The following FES variants were observed in gnomAD, a reference collection of about 807,000 sequenced individuals.
The protein encoded by FES is FES proto-oncogene, tyrosine kinase.
A neutral mutation model predicts 109.6 loss-of-function variants in FES; 83 were observed. The observed-to-expected ratio is 0.76, with a 90% CI of 0.63 to 0.91. The LOEUF is 0.91. Among genes scored for constraint, FES ranks in the 40% least tolerant of loss-of-function variants. The pLI is 0.00. For synonymous variants in FES, 458 were observed against 442.1 expected, an observed-to-expected ratio of 1.04 and a Z score of -0.45; for missense variants, 943 against 1,070.9, an observed-to-expected ratio of 0.88 and a Z score of 1.67.
intron 10 of FES, 112 bp from the exon 11 acceptor site, chr15:90,890,870 C>T (rs2033147188): frequency 1.8e-6 from 2 of 1,104,988 alleles, no homozygotes; most frequent in Admixed American, 2.1e-5. Flanking sequence ...CATGCCACTC[C>T]ATGGTTGTAA....
chr15:90,885,721 G>T, intron 3 of FES, 136 bp downstream of exon 3: 1 of 1,402,158 alleles, frequency 7.1e-7, no homozygotes, highest in Non-Finnish European at 9.4e-7. Flanking sequence ...CTCTAACCTT[G>T]ATGCAGCTTC....
At position 90,885,591 on chromosome 15, in the gene FES, C is replaced by G. The variant is rs201335471; in HGVS notation, c.387+6C>G. ...TGCAGCAGGAGCTCACCAAGGTGAG[C>G]GGGCAGCACTGGGGCTTCGGTCATT... is the stretch of plus-strand genomic sequence containing the variant. On this transcript the variant is annotated splice_donor_region_variant and intron_variant, in intron 3 of 18. Coordinates refer to ENST00000328850, the MANE Select transcript of FES (RefSeq NM_002005.4). 1.9e-6 allele frequency: 3 copies of G among 1,611,224 alleles called. No homozygotes were observed. In the East Asian group the frequency reaches 6.7e-5, roughly 36 times the overall value.
At position 90,885,530 on chromosome 15, in the gene FES, A is replaced by G. The variant is rs535474019; in HGVS notation, c.332A>G (p.Gln111Arg). The stretch of plus-strand genomic sequence containing the variant: ...AGCCTGCTCATCCGGGAACGGCAGC[A>G]GCTTCGCAAGACCTACAGCGAGCAG... ...KLSLLIRERQ[Q>R]LRKTYSEQWQ... The change falls in exon 3 of 19, where the codon CAG (glutamine) becomes CGG (arginine). Residue 111 changes from glutamine (Q) to arginine (R), a missense_variant. Physicochemically the swap from Gln to Arg is conservative, Grantham distance 43. Transcript: ENST00000328850. The G allele has an allele frequency of 4.5e-5, 73 of 1,613,210 alleles. No individual in the cohort carries two copies. In the South Asian group the frequency reaches 4.8e-4, roughly 11 times the overall value.
At position 90,889,880 on chromosome 15, in the gene FES, A is replaced by G. The variant is rs56296062; in HGVS notation, c.967A>G (p.Met323Val). The change falls in exon 8 of 19, where the codon ATG becomes GTG. Residue 323 changes from methionine (M) to valine (V), a missense_variant. By Grantham distance (21) the Met-to-Val change is conservative. Coordinates refer to ENST00000328850, the MANE Select transcript of FES (RefSeq NM_002005.4). The surrounding 1 kb of genome is among the most constrained non-coding windows in gnomAD (Gnocchi z 6.1). ...AGATGAGCTGGCTGTGGCCACCGAGATGGTGTTCAGGCGGCAGGAGATGGT... is the reference window on the plus strand; with the variant it reads ...AGATGAGCTGGCTGTGGCCACCGAGGTGGTGTTCAGGCGGCAGGAGATGGT... ...VTDELAVATE[M>V]VFRRQEMVTQ... is the part of the protein sequence containing the mutation. 3.2e-3 allele frequency: 5,110 copies of G among 1,613,452 alleles called. 126 individuals are homozygous for G. In the African/African-American group the frequency reaches 0.05, roughly 16 times the overall value.
intron 5 of FES, among the ~76,000 whole-genome samples, chr15:90,888,658 G>A: frequency 6.6e-6 from 1 of 152,194 alleles, no homozygotes; most frequent in East Asian, 1.9e-4. Context: ...CTGGGGATTT[G>A]GCCTGGAGCA....
Position 90,885,522 on chromosome 15 carries a change from A to T in FES, c.324A>T (p.Glu108Asp). The T allele has an allele frequency of 6.2e-7, 1 of 1,613,280 alleles. No homozygotes were observed. Among genetic ancestry groups the T allele is most frequent in the East Asian group, 2.2e-5 (1 of 44,880 alleles). ...PLSKLSLLIR[E>D]RQQLRKTYSE... Reference sequence around the variant, plus strand: ...GCAAGCTGAGCCTGCTCATCCGGGAACGGCAGCAGCTTCGCAAGACCTACA... The same window carrying T: ...GCAAGCTGAGCCTGCTCATCCGGGATCGGCAGCAGCTTCGCAAGACCTACA... Residue 108 changes from glutamate (E) to aspartate (D), a missense_variant, in exon 3 of 19, where the codon GAA becomes GAT. Coordinates refer to ENST00000328850, the MANE Select transcript of FES (RefSeq NM_002005.4).
At chr15:90,891,907 C>G (rs995571732) in intron 12 of FES, 151 bp from the exon 13 acceptor site, 1 of 1,081,782 alleles carries the variant, frequency 9.2e-7, no homozygotes, top group African/African-American at 1.6e-5. Context: ...AGGGCACCTG[C>G]CTGGACCCCG....
rs547197702 is a variant in FES, at chr15:90,893,337, G to A, written c.1968G>A (p.Arg656=). Residue 656 remains arginine (R), a synonymous_variant, in exon 16 of 19, where the codon CGG becomes CGA. Transcript: ENST00000328850. ...TCCGCACGGAGGGGGCCCGCCTGCG[G>A]GTGAAGACTCTGCTGCAGATGGTGG... ...TFLRTEGARL[R]VKTLLQMVGD... is the part of the protein sequence containing the mutation. 4 of 1,576,870 alleles carry A rather than the reference G, an allele frequency of 2.5e-6. No individual in the cohort carries two copies. The highest frequency in any genetic ancestry group is 1.7e-4 in the Middle Eastern group (1 of 5,826).
chr15:90,884,825 G>A (rs561713235), intron 1 of FES: 7 of 545,236 alleles, frequency 1.3e-5, no homozygotes, highest in African/African-American at 7.6e-5. Context: ...TCCCGAACGT[G>A]CGGAGGAGAC....
chr15:90,892,526 T>C, intron 13 of FES, 181 bp from the exon 14 acceptor site: 1 of 596,140 alleles, frequency 1.7e-6, no homozygotes, highest in Non-Finnish European at 3.0e-6. Context: ...GGAGGCAACT[T>C]TCCCTGCCTG....
At position 90,890,475 on chromosome 15, in the gene FES, C is replaced by T; in HGVS notation, c.1311C>T (p.Pro437=). The change falls in exon 10 of 19, where the codon CCC becomes CCT. Residue 437 remains proline, a synonymous_variant. Transcript: ENST00000328850. The part of the protein sequence containing the change: ...LKSHISGIFR[P]KFSLPPPLQL... ...GCCACATCTCAGGAATCTTCCGCCC[C>T]AAGTTCTCGGTGAGTGGCGCCCAGC... 1 of 1,612,834 alleles carries T rather than the reference C, an allele frequency of 6.2e-7. No individual in the cohort carries two copies. The highest frequency in any genetic ancestry group is 8.5e-7 in the Non-Finnish European group (1 of 1,179,800).
intron 1 of FES, 135 bp from the exon 2 acceptor site, chr15:90,884,902 G>A (rs1412650376): frequency 2.4e-5 from 17 of 718,640 alleles, no homozygotes; most frequent in Non-Finnish European, 3.5e-5. Flanking sequence ...CCATGGCTGC[G>A]TGTGAGCGAG....
chr15:90,885,128 A>G lies in FES; in HGVS notation c.83A>G (p.Glu28Gly), dbSNP rs1475931622. The change falls in exon 2 of 19, where the codon GAG becomes GGG. Residue 28 changes from glutamate (E) to glycine (G), a missense_variant. By Grantham distance (98) the Glu-to-Gly change is moderately conservative. Transcript: ENST00000328850. ...QMQEAELRLL[E>G]GMRKWMAQRV... The stretch of plus-strand genomic sequence containing the variant: ...CAGGAGGCCGAGCTTCGTCTACTGG[A>G]GGGCATGAGAAAGTGGATGGCCCAG... The G allele has an allele frequency of 4.3e-6, 7 of 1,613,990 alleles. No homozygotes were observed. In the Admixed American group the frequency reaches 8.3e-5, roughly 19 times the overall value.
chr15:90,894,074 T>C lies in FES; in HGVS notation c.2326+16T>C. ...GTGGAGAAGGGTAAGCACCCTGTGATGACAGCAGCCTCAGGCTGCACCCTC... is the reference window on the plus strand; with the variant it reads ...GTGGAGAAGGGTAAGCACCCTGTGACGACAGCAGCCTCAGGCTGCACCCTC... On this transcript the variant is annotated intron_variant, in intron 18 of 18. Coordinates refer to ENST00000328850, the MANE Select transcript of FES (RefSeq NM_002005.4). The C allele has an allele frequency of 6.2e-7, 1 of 1,613,214 alleles. No homozygotes were observed.
Position 90,895,453 on chromosome 15 carries a change from C to G in FES, c.2364C>G (p.Ala788=), listed in dbSNP as rs755547013. 6 of 1,585,252 alleles carry G rather than the reference C, an allele frequency of 3.8e-6. No homozygotes were observed. The highest frequency in any genetic ancestry group is 5.2e-6 in the Non-Finnish European group (6 of 1,163,340). Residue 788 remains alanine, a synonymous_variant, in exon 19 of 19, where the codon GCC becomes GCG. Coordinates refer to ENST00000328850, the MANE Select transcript of FES (RefSeq NM_002005.4). ...CCTGCCCAGAGCTGTGTCCTGATGCCGTGTTCAGGCTCATGGAGCAGTGCT... is the reference window on the plus strand; with the variant it reads ...CCTGCCCAGAGCTGTGTCCTGATGCGGTGTTCAGGCTCATGGAGCAGTGCT... The part of the protein sequence containing the change: ...RLPCPELCPD[A]VFRLMEQCWA...
chr15:90,895,237 G>A (rs527818106), intron 18 of FES, among the ~76,000 whole-genome samples, 179 bp from the exon 19 acceptor site: 7 of 152,314 alleles, frequency 4.6e-5, no homozygotes, highest in South Asian at 4.1e-4. Flanking sequence ...CAGCTAGCAC[G>A]TGGTAGGATT....
chr15:90,884,925 C>T (rs1382883055), intron 1 of FES, 112 bp from the exon 2 acceptor site: 3 of 875,136 alleles, frequency 3.4e-6, no homozygotes, highest in Admixed American at 2.3e-5. Context: ...AGGACCCCAC[C>T]TCCTCCCCGT....
chr15:90,895,367 A>T lies in FES; in HGVS notation c.2327-49A>T, dbSNP rs911849945. 6 of 1,452,166 alleles carry T rather than the reference A, an allele frequency of 4.1e-6. No homozygotes were observed. In the African/African-American group the frequency reaches 8.7e-5, roughly 21 times the overall value. 90.0% of individuals were successfully genotyped at this position (1,452,166 alleles called of 1,614,324 possible). A position where few individuals can be genotyped will look rare whatever the true frequency, so the allele number is the denominator to read the frequency against. On this transcript the variant is annotated intron_variant, in intron 18 of 18. Coordinates refer to ENST00000328850, the MANE Select transcript of FES (RefSeq NM_002005.4). ...TGGTATCCCCCAGAGTCTGCCGAGG[A>T]CCCTCAAACTCCCTCCTCATGCCTG...
At position 90,890,871 on chromosome 15, in the gene FES, A is replaced by G. The variant is rs572551304; in HGVS notation, c.1321-111A>G. 8.1e-6 allele frequency: 9 copies of G among 1,114,566 alleles called. No individual in the cohort carries two copies. The Admixed American group carries it at 1.9e-4, about 24-fold the overall frequency. The allele number at this position is 1,114,566 out of a possible 1,614,324, so 69.0% of individuals were successfully genotyped here. A position where few individuals can be genotyped will look rare whatever the true frequency, so the allele number is the denominator to read the frequency against. On this transcript the variant is annotated intron_variant, in intron 10 of 18. Coordinates refer to ENST00000328850, the MANE Select transcript of FES (RefSeq NM_002005.4). ...TGTGGATGGCTCTGCATGCCACTCC[A>G]TGGTTGTAAGGGCTGAGGGCATATA... is the stretch of plus-strand genomic sequence containing the variant.
Sources: gnomAD v4.1 joint callset for allele counts (sites outside exome capture counted in the v4.1 genomes callset) on GRCh38, gnomAD v4.1.1 for gene constraint, Gnocchi (gnomAD v3.1) non-coding constraint, MANE v1.5 for transcripts, NCBI Gene and HGNC (gene_info 2026-07-23, HGNC 2026-07-21) for gene names.